The following FRMPD4 variants were observed in gnomAD, a reference collection of about 807,000 sequenced individuals.
The protein encoded by FRMPD4 is FERM and PDZ domain-containing protein 4.
A neutral mutation model predicts 94.1 loss-of-function variants in FRMPD4; 22 were observed. The observed-to-expected ratio is 0.23, with a 90% CI of 0.17 to 0.33. The LOEUF (loss-of-function observed/expected upper bound fraction) is 0.33. FRMPD4 is among the 10% of genes least tolerant of loss of function. The pLI is 1.00. For synonymous variants in FRMPD4, 631 were observed against 548.6 expected, an observed-to-expected ratio of 1.15 and a Z score of -2.10; for missense variants, 1,111 against 1,339.9, an observed-to-expected ratio of 0.83 and a Z score of 2.67.
chrX:12,139,131 A>G, intron 1 of FRMPD4, 119 bp downstream of exon 1: 1 of 530,584 alleles, frequency 1.9e-6, no homozygotes, highest in East Asian at 4.0e-5. Context: ...GCTTAAGACA[A>G]ACGAAGTGGC....
At chrX:11,875,806 C>T (rs1253272557) in intron 2 of FRMPD4, among the ~76,000 whole-genome samples, 1 of 110,730 alleles carries the variant, frequency 9.0e-6, no homozygotes, top group Non-Finnish European at 1.9e-5. Flanking sequence ...AAATAAGCCC[C>T]CCAGAGGGGA....
intron 1 of FRMPD4, among the ~76,000 whole-genome samples, chrX:12,448,868 A>G (rs1256169179): frequency 9.0e-6 from 1 of 111,664 alleles, no homozygotes; most frequent in Admixed American, 9.5e-5. Flanking sequence ...TATACACACA[A>G]CCATACTCTC....
intron 3 of FRMPD4, among the ~76,000 whole-genome samples, chrX:12,100,534 T>TA (rs974097834): frequency 3.9e-4 from 40 of 102,048 alleles, no homozygotes; most frequent in East Asian, 2.7e-3. Flanking sequence ...AACATCTAAA[T>TA]AAAAAAAAAA....
At chrX:12,474,525 G>A (rs2057566330) in intron 1 of FRMPD4, among the ~76,000 whole-genome samples, 1 of 111,397 alleles carries the variant, frequency 9.0e-6, no homozygotes, top group South Asian at 3.8e-4. Flanking sequence ...TCCAGGAGCT[G>A]GTTTTTTGAA....
intron 1 of FRMPD4, among the ~76,000 whole-genome samples, chrX:12,188,679 A>G (rs1176272714): frequency 8.9e-6 from 1 of 111,906 alleles, no homozygotes; most frequent in Non-Finnish European, 1.9e-5. Flanking sequence ...ACTCTCACCA[A>G]ATAAAAACAC....
intron 1 of FRMPD4, among the ~76,000 whole-genome samples, chrX:12,370,778 C>G (rs1188968888): frequency 8.9e-6 from 1 of 112,473 alleles, no homozygotes; most frequent in Non-Finnish European, 1.9e-5. Context: ...ACTGCTAGAA[C>G]CCAAACTTTC....
intron 3 of FRMPD4, among the ~76,000 whole-genome samples, chrX:11,975,181 G>GAGAGCA (rs2054360742): frequency 8.9e-6 from 1 of 112,271 alleles, no homozygotes; most frequent in African/African-American, 3.2e-5. Flanking sequence ...GAGACTTACA[G>GAGAGCA]AGAGCAAGAG....
chrX:12,597,632 T>A (rs2059044267), intron 2 of FRMPD4, among the ~76,000 whole-genome samples: 1 of 112,592 alleles, frequency 8.9e-6, no homozygotes, highest in African/African-American at 3.2e-5. Context: ...TAATAACGTG[T>A]GCATTCCATT....
intron 3 of FRMPD4, among the ~76,000 whole-genome samples, chrX:12,030,612 T>C (rs1441480856): frequency 8.9e-6 from 1 of 112,086 alleles, no homozygotes; most frequent in Non-Finnish European, 1.9e-5. Flanking sequence ...AATTTATTTG[T>C]TACGAGAGGA....
intron 1 of FRMPD4, among the ~76,000 whole-genome samples, chrX:12,300,589 C>G (rs890313553): frequency 2.2e-4 from 25 of 112,118 alleles, no homozygotes; most frequent in Non-Finnish European, 3.9e-4. Flanking sequence ...CTGTGGTGTT[C>G]CATATTATGA....
chrX:12,127,469 TA>T (rs1288885752), intron 3 of FRMPD4, among the ~76,000 whole-genome samples: 1 of 111,471 alleles, frequency 9.0e-6, no homozygotes, highest in Non-Finnish European at 1.9e-5. Context: ...AAGAGCAGCA[TA>T]GGGGTAACTG....
intron 2 of FRMPD4, among the ~76,000 whole-genome samples, chrX:12,603,739 G>T (rs909553902): frequency 9.1e-6 from 1 of 109,695 alleles, no homozygotes; most frequent in African/African-American, 3.3e-5. Context: ...ATTCACTGAC[G>T]CACGTTCAGC....
intron 3 of FRMPD4, among the ~76,000 whole-genome samples, chrX:11,901,465 A>G (rs147511207): frequency 3.1e-4 from 35 of 112,537 alleles, no homozygotes; most frequent in Middle Eastern, 4.6e-3. Flanking sequence ...ATTCTTTGGT[A>G]TACATATACC....
intron 1 of FRMPD4, chrX:12,341,519 CTGAG>C: frequency 3.6e-6 from 1 of 274,158 alleles, no homozygotes; most frequent in Admixed American, 3.6e-5. Flanking sequence ...ACACCATTTA[CTGAG>C]TGTTTGTTAT....
At chrX:11,886,965 C>T (rs188606860) in intron 3 of FRMPD4, among the ~76,000 whole-genome samples, 97 of 110,722 alleles carry the variant, frequency 8.8e-4, no homozygotes, top group Non-Finnish European at 1.7e-3. Flanking sequence ...ACTCTTCTGA[C>T]TCAGCTTTAG....
chrX:12,716,538 C>T lies in FRMPD4; in HGVS notation c.2079C>T (p.Ala693=), dbSNP rs770882115. 8.3e-7 allele frequency: 1 copy of T among 1,209,103 alleles called. No individual in the cohort carries two copies. The highest frequency in any genetic ancestry group is 1.8e-5 in the South Asian group (1 of 56,887). Residue 693 remains alanine, a synonymous_variant, in exon 15 of 17, where the codon GCC becomes GCT. Transcript: ENST00000675598. The stretch of plus-strand genomic sequence containing the variant: ...AGAGAAATCTCTACATTGGCAGTGC[C>T]AATGACATGAAGGGCCTGGATCTCA... ...EKQRNLYIGS[A]NDMKGLDLTP...
chrX:12,054,619 A>G (rs1285492917), intron 3 of FRMPD4, among the ~76,000 whole-genome samples: 2 of 111,531 alleles, frequency 1.8e-5, no homozygotes, highest in African/African-American at 3.3e-5. Flanking sequence ...CCCTTAGGGC[A>G]TTAATCTTTG....
intron 2 of FRMPD4, among the ~76,000 whole-genome samples, chrX:12,560,018 C>A (rs987357639): frequency 7.2e-5 from 3 of 41,386 alleles, no homozygotes; most frequent in African/African-American, 2.2e-4. Context: ...TTATTGAGTT[C>A]GGGAAGTGAA....
At chrX:11,980,586 A>G (rs1227185941) in intron 3 of FRMPD4, among the ~76,000 whole-genome samples, 6 of 111,611 alleles carry the variant, frequency 5.4e-5, no homozygotes, top group Non-Finnish European at 1.1e-4. Context: ...ATTTCCTTCT[A>G]AATACTACTA....
Sources: gnomAD v4.1 joint callset for allele counts (sites outside exome capture counted in the v4.1 genomes callset) on GRCh38, gnomAD v4.1.1 for gene constraint, MANE v1.5 for transcripts, NCBI Gene and HGNC (gene_info 2026-07-23, HGNC 2026-07-21) for gene names.